CPEB1: variants seen among roughly 807,000 people sequenced by gnomAD.
CPEB1 encodes the protein cytoplasmic polyadenylation element-binding protein 1.
A neutral mutation model predicts 65.8 loss-of-function variants in CPEB1; 7 were observed. The ratio of observed to expected loss-of-function variants is 0.11; its 90% CI spans 0.06 to 0.20. CPEB1 has a LOEUF of 0.20. Among genes scored for constraint, CPEB1 ranks in the 10% least tolerant of loss-of-function variants. The pLI, the probability that CPEB1 is intolerant of heterozygous loss-of-function variation, is 1.00. For missense variants in CPEB1, 551 were observed against 712.2 expected, an observed-to-expected ratio of 0.77 and a Z score of 2.58; for synonymous variants, 262 against 260.0, an observed-to-expected ratio of 1.01 and a Z score of -0.08.
Position 82,547,151 on chromosome 15 carries a change from T to A in CPEB1, c.1567A>T (p.Thr523Ser), listed in dbSNP as rs779375273. 35 of 1,612,054 alleles carry A rather than the reference T, an allele frequency of 2.2e-5. 2 individuals are homozygous for A. The South Asian group carries it at 3.9e-4, about 18-fold the overall frequency. Residue 523 changes from threonine to serine, a missense_variant, in exon 11 of 13, where the codon ACA becomes TCA. Around this residue, in one of 6 missense-constraint regions of CPEB1, gnomAD observed 98 missense variants for 157.6 expected, o/e 0.62. Transcript: ENST00000684509. ...AFVEIKTTKF[T>S]KKVQIDPYLE... ...TAAACCAGCCAACTCACCTTCTTTGTGAACTTGGTGGTTTTGATCTCCACA... is the reference window on the plus strand; with the variant it reads ...TAAACCAGCCAACTCACCTTCTTTGAGAACTTGGTGGTTTTGATCTCCACA...
At chr15:82,570,232 C>A (rs2039803717) in intron 4 of CPEB1, among the ~76,000 whole-genome samples, 1 of 152,124 alleles carries the variant, frequency 6.6e-6, no homozygotes, top group African/African-American at 2.4e-5. Context: ...AAAAAAAGAC[C>A]TGCGCCAAAC....
chr15:82,616,405 G>T (rs1227928641), intron 3 of CPEB1, among the ~76,000 whole-genome samples: 1 of 152,164 alleles, frequency 6.6e-6, no homozygotes, highest in Non-Finnish European at 1.5e-5. Context: ...ATGAGGAAAA[G>T]AGTACACTTA....
At chr15:82,596,920 C>T (rs1335198119) in intron 3 of CPEB1, among the ~76,000 whole-genome samples, 2 of 152,188 alleles carry the variant, frequency 1.3e-5, no homozygotes, top group African/African-American at 4.8e-5. Flanking sequence ...CATGCTATAG[C>T]TTCCCCTTCA....
intron 3 of CPEB1, among the ~76,000 whole-genome samples, chr15:82,597,657 C>T (rs753168221): frequency 3.9e-5 from 6 of 152,176 alleles, no homozygotes; most frequent in Non-Finnish European, 7.3e-5. Context: ...CACAGAAAAA[C>T]AGGCAGTTAA....
intron 3 of CPEB1, among the ~76,000 whole-genome samples, chr15:82,582,302 T>G (rs1330244135): frequency 6.6e-6 from 1 of 152,190 alleles, no homozygotes; most frequent in Non-Finnish European, 1.5e-5. Flanking sequence ...TTCAGGCCCT[T>G]TAGCAAGGAT....
intron 3 of CPEB1, among the ~76,000 whole-genome samples, chr15:82,611,883 AT>A (rs2044188869): frequency 1.3e-5 from 2 of 151,984 alleles, no homozygotes; most frequent in African/African-American, 4.8e-5. Context: ...CCAAAAGTTT[AT>A]TTTAAAAAAA....
intron 3 of CPEB1, among the ~76,000 whole-genome samples, chr15:82,621,080 T>C (rs1433560030): frequency 6.6e-6 from 1 of 152,254 alleles, no homozygotes; most frequent in African/African-American, 2.4e-5. Context: ...GAGAGTAATT[T>C]CAATCATTTC....
chr15:82,646,787 G>A (rs1049857432), intron 1 of CPEB1, among the ~76,000 whole-genome samples: 79 of 152,264 alleles, frequency 5.2e-4, no homozygotes, highest in African/African-American at 1.9e-3. Context: ...AAAGCCTCGG[G>A]GAATGACGCC....
At chr15:82,577,321 A>T (rs530659249) in intron 3 of CPEB1, among the ~76,000 whole-genome samples, 1 of 152,248 alleles carries the variant, frequency 6.6e-6, no homozygotes, top group African/African-American at 2.4e-5. Flanking sequence ...AGGCTCTCAA[A>T]GTGCTGGGAT....
At chr15:82,630,953 T>C (rs1346097116) in intron 1 of CPEB1, among the ~76,000 whole-genome samples, 2 of 151,498 alleles carry the variant, frequency 1.3e-5, no homozygotes, top group African/African-American at 4.8e-5. Flanking sequence ...GTACTATATA[T>C]ATATGGACTA....
chr15:82,554,053 C>T (rs2036760238), intron 6 of CPEB1, 62 bp from the exon 7 acceptor site: 5 of 1,009,988 alleles, frequency 5.0e-6, no homozygotes, highest in South Asian at 1.6e-5. Flanking sequence ...CCACACTCTT[C>T]CCTGGGGTGA....
intron 10 of CPEB1, among the ~76,000 whole-genome samples, chr15:82,547,471 T>C (rs2035461476): frequency 6.6e-6 from 1 of 151,144 alleles, no homozygotes; most frequent in Admixed American, 6.6e-5. Flanking sequence ...TAATTTTTTG[T>C]ATTTTTAGTA....
Position 82,544,387 on chromosome 15 carries a change from A to AC in CPEB1, c.*204dup. ...GCCAGAGGGTCCTTGCCCTTGGTACACCCCCTGAAAACAAAACCTGACAAA... is the reference window on the plus strand; with the variant it reads ...GCCAGAGGGTCCTTGCCCTTGGTACACCCCCCTGAAAACAAAACCTGACAAA... On this transcript the variant is annotated 3_prime_UTR_variant, in exon 13 of 13. Transcript: ENST00000684509. The AC allele has an allele frequency of 1.9e-6, 1 of 521,138 alleles. No homozygotes were observed. The allele number at this position is 521,138 out of a possible 1,614,324, so 32.3% of individuals were successfully genotyped here. A position where few individuals can be genotyped will look rare whatever the true frequency, so the allele number is the denominator to read the frequency against.
rs150487520 is a variant in CPEB1, at chr15:82,582,211, C to T, written c.272-10679G>A. 6.6e-5 allele frequency among the ~76,000 whole-genome samples: 10 copies of T among 152,326 alleles called. No homozygotes were observed. The South Asian group carries it at 1.4e-3, about 22-fold the overall frequency. On this transcript the variant is annotated intron_variant, in intron 3 of 12. Coordinates refer to ENST00000684509, the MANE Select transcript of CPEB1 (RefSeq NM_001365242.1). ...TATTCTATGAGCTTTGTATCAACAGCGTTCCAACATACCCCACATTTTACT... is the reference window on the plus strand; with the variant it reads ...TATTCTATGAGCTTTGTATCAACAGTGTTCCAACATACCCCACATTTTACT...
Position 82,571,463 on chromosome 15 carries a change from C to A in CPEB1, c.341G>T (p.Arg114Leu), listed in dbSNP as rs778190180. 6 of 1,614,068 alleles carry A rather than the reference C, an allele frequency of 3.7e-6. No homozygotes were observed. In the Admixed American group the frequency reaches 8.3e-5, roughly 22 times the overall value. The change falls in exon 4 of 13, where the codon CGT becomes CTT. Residue 114 changes from arginine to leucine, a missense_variant. By Grantham distance (102) the Arg-to-Leu change is moderately radical. Around this residue, in one of 6 missense-constraint regions of CPEB1, gnomAD observed 223 missense variants for 228.6 expected, o/e 0.98. Coordinates refer to ENST00000684509, the MANE Select transcript of CPEB1 (RefSeq NM_001365242.1). ...CAAGTCATTTGCATCTGGGAGGCCA[C>A]GGGAAGATTCTTGCGCAGAGGTTGG... ...LFPTSAQESS[R>L]GLPDANDLCL...
At chr15:82,633,578 G>A (rs1261598493) in intron 1 of CPEB1, among the ~76,000 whole-genome samples, 1 of 152,116 alleles carries the variant, frequency 6.6e-6, no homozygotes, top group African/African-American at 2.4e-5. Flanking sequence ...TCACCATGTT[G>A]GCCAGGCTGG....
intron 3 of CPEB1, among the ~76,000 whole-genome samples, chr15:82,625,274 C>G (rs988196032): frequency 6.6e-6 from 1 of 152,064 alleles, no homozygotes; most frequent in Non-Finnish European, 1.5e-5. Context: ...TTCTTTTGTA[C>G]AAGTCAGAAG....
intron 3 of CPEB1, among the ~76,000 whole-genome samples, chr15:82,600,912 T>A (rs2043054621): frequency 6.8e-6 from 1 of 146,498 alleles, no homozygotes. Flanking sequence ...TTTTTTTTTT[T>A]TTTTTTTTTG....
intron 3 of CPEB1, among the ~76,000 whole-genome samples, chr15:82,622,552 C>T (rs2045394926): frequency 6.6e-6 from 1 of 152,002 alleles, no homozygotes; most frequent in African/African-American, 2.4e-5. Flanking sequence ...CCATCATGCC[C>T]GGTTAATTTT....
Sources: allele counts gnomAD v4.1 joint callset (sites outside exome capture counted in the v4.1 genomes callset), GRCh38; gene constraint gnomAD v4.1.1; regional missense constraint gnomAD v4.1.1; transcripts MANE v1.5; gene names NCBI Gene and HGNC (gene_info 2026-07-23, HGNC 2026-07-21).